PTPRD: variants seen among roughly 807,000 people sequenced by gnomAD.
PTPRD encodes the protein receptor-type tyrosine-protein phosphatase delta.
PTPRD carries 34 observed loss-of-function variants against 214.5 expected under a neutral mutation model. That is an observed-to-expected ratio of 0.16 (90% confidence interval 0.12 to 0.21). The LOEUF is 0.21. Among genes scored for constraint, PTPRD ranks in the 10% least tolerant of loss-of-function variants. The pLI is 1.00. For synonymous variants in PTPRD, 1,128 were observed against 845.7 expected (o/e 1.33, Z -5.79); for missense variants, 2,545 against 2,398.7 (o/e 1.06, Z -1.27).
intron 8 of PTPRD, among the ~76,000 whole-genome samples, chr9:9,540,269 C>A (rs559332195): frequency 2.6e-5 from 4 of 151,636 alleles, no homozygotes; most frequent in African/African-American, 9.7e-5. Flanking sequence ...CATTTTACTA[C>A]GTAAACACTG....
intron 9 of PTPRD, among the ~76,000 whole-genome samples, chr9:9,277,399 T>A (rs2133327717): frequency 6.6e-6 from 1 of 151,498 alleles, no homozygotes; most frequent in East Asian, 2.0e-4. Context: ...CATTGTGTAA[T>A]TTTTAAAGAA....
At chr9:8,694,132 T>C (rs959459943) in intron 12 of PTPRD, among the ~76,000 whole-genome samples, 1 of 152,206 alleles carries the variant, frequency 6.6e-6, no homozygotes, top group African/African-American at 2.4e-5. Flanking sequence ...AGTGATGGGA[T>C]GTATTTTAAA....
chr9:8,961,230 G>A (rs919453367), intron 11 of PTPRD, among the ~76,000 whole-genome samples: 2 of 152,032 alleles, frequency 1.3e-5, no homozygotes, highest in Non-Finnish European at 2.9e-5. Flanking sequence ...AGGTGGACAA[G>A]GAAAAGAAAG....
chr9:10,518,229 G>C (rs957511352), intron 2 of PTPRD, among the ~76,000 whole-genome samples: 2 of 151,974 alleles, frequency 1.3e-5, no homozygotes, highest in African/African-American at 4.8e-5. Context: ...TTTTTTAAAT[G>C]GTTCAATATC....
intron 7 of PTPRD, among the ~76,000 whole-genome samples, chr9:9,648,393 A>C (rs766017910): frequency 5.9e-5 from 9 of 152,172 alleles, no homozygotes; most frequent in Non-Finnish European, 1.2e-4. Context: ...AACAAGGTTT[A>C]TTTTTAAAGT....
chr9:8,498,671 A>C (rs939195036), intron 25 of PTPRD, among the ~76,000 whole-genome samples: 1 of 152,186 alleles, frequency 6.6e-6, no homozygotes, highest in Non-Finnish European at 1.5e-5. Flanking sequence ...TTTCCCTGCC[A>C]AGTCACCAAT....
intron 24 of PTPRD, 58 bp from the exon 25 acceptor site, chr9:8,499,898 C>T (rs2097356583): frequency 7.2e-7 from 1 of 1,389,712 alleles, no homozygotes; most frequent in Non-Finnish European, 9.6e-7. Context: ...CCTATCAGAG[C>T]ATTTTCTGCA....
At chr9:9,928,577 A>G (rs1465543291) in intron 5 of PTPRD, among the ~76,000 whole-genome samples, 1 of 152,194 alleles carries the variant, frequency 6.6e-6, no homozygotes, top group Non-Finnish European at 1.5e-5. Flanking sequence ...TCACAATGCC[A>G]TAAAGTGGAA....
intron 3 of PTPRD, among the ~76,000 whole-genome samples, chr9:10,214,193 G>A (rs1011466671): frequency 6.6e-5 from 10 of 152,006 alleles, no homozygotes; most frequent in African/African-American, 1.2e-4. Context: ...TACTGTTAAA[G>A]GCTAGAAAAA....
intron 14 of PTPRD, among the ~76,000 whole-genome samples, chr9:8,574,640 TTTG>T (rs1198811221): frequency 6.6e-6 from 1 of 152,040 alleles, no homozygotes; most frequent in Non-Finnish European, 1.5e-5. Flanking sequence ...TTCCACATAC[TTTG>T]TTATTACTTT....
At position 10,136,631 on chromosome 9, in the gene PTPRD, T is replaced by C. The variant is rs2098946321; in HGVS notation, c.-544-102841A>G. On this transcript the variant is annotated intron_variant, in intron 3 of 45. Transcript: ENST00000381196. ...AACCTAGGCATTACCATTCAGGACA[T>C]AGGCGTGGGCAAGGACTTCATGTCC... 2.3e-5 allele frequency among the ~76,000 whole-genome samples: 3 copies of C among 130,950 alleles called. 1 individual carries two copies. The highest frequency in any genetic ancestry group is 6.0e-4 in the South Asian group (2 of 3,310). The allele number at this position is 130,950 out of a possible 152,430, so 85.9% of individuals were successfully genotyped here.
At chr9:8,429,913 T>C (rs978087110) in intron 35 of PTPRD, among the ~76,000 whole-genome samples, 2 of 152,194 alleles carry the variant, frequency 1.3e-5, no homozygotes, top group Non-Finnish European at 2.9e-5. Context: ...TTTAAGGTAA[T>C]ACTACTAACA....
chr9:9,200,863 T>A (rs2099941427), intron 9 of PTPRD, among the ~76,000 whole-genome samples: 1 of 152,244 alleles, frequency 6.6e-6, no homozygotes, highest in East Asian at 1.9e-4. Context: ...CATCATTGAT[T>A]ACATTTCCCC....
At chr9:9,922,313 T>A (rs1236282417) in intron 5 of PTPRD, among the ~76,000 whole-genome samples, 1 of 152,172 alleles carries the variant, frequency 6.6e-6, no homozygotes, top group African/African-American at 2.4e-5. Flanking sequence ...AGTATACTAT[T>A]CTGTGAATAA....
intron 5 of PTPRD, among the ~76,000 whole-genome samples, chr9:9,895,757 A>G (rs1370747800): frequency 6.6e-6 from 1 of 152,132 alleles, no homozygotes; most frequent in Non-Finnish European, 1.5e-5. Flanking sequence ...TTGTAAAATG[A>G]AGGACTAGTA....
intron 11 of PTPRD, among the ~76,000 whole-genome samples, chr9:8,854,456 A>G (rs965291044): frequency 3.9e-5 from 6 of 152,234 alleles, no homozygotes; most frequent in Admixed American, 6.5e-5. Flanking sequence ...TTTTAAAAAT[A>G]GAATTGTCCA....
Position 8,352,685 on chromosome 9 carries a change from C to T in PTPRD, c.4662-10707G>A, listed in dbSNP as rs144122262. ...GTTAAGCAAGATTCAAAGAGAGGAGCCACTGGAAGGTACTTGGAGGGCATT... is the reference window on the plus strand; with the variant it reads ...GTTAAGCAAGATTCAAAGAGAGGAGTCACTGGAAGGTACTTGGAGGGCATT... On this transcript the variant is annotated intron_variant, in intron 39 of 45. Coordinates refer to ENST00000381196, the MANE Select transcript of PTPRD (RefSeq NM_002839.4). 2.0e-5 allele frequency among the ~76,000 whole-genome samples: 3 copies of T among 152,128 alleles called. No individual in the cohort carries two copies. The East Asian group carries it at 5.8e-4, about 29-fold the overall frequency.
chr9:9,061,021 C>A (rs957736209), intron 10 of PTPRD, among the ~76,000 whole-genome samples: 2 of 152,088 alleles, frequency 1.3e-5, no homozygotes, highest in Admixed American at 1.3e-4. Flanking sequence ...TAAATAACTT[C>A]ATTTCTATAC....
At chr9:9,573,121 G>A (rs2087074751) in intron 8 of PTPRD, among the ~76,000 whole-genome samples, 1 of 151,430 alleles carries the variant, frequency 6.6e-6, no homozygotes, top group Non-Finnish European at 1.5e-5. Context: ...TATTAGAAAG[G>A]GTTAATAATT....
Sources: allele counts gnomAD v4.1 joint callset (sites outside exome capture counted in the v4.1 genomes callset), GRCh38; gene constraint gnomAD v4.1.1; transcripts MANE v1.5; gene names NCBI Gene and HGNC (gene_info 2026-07-23, HGNC 2026-07-21).